KCNQ5: variants seen among roughly 807,000 people sequenced by gnomAD.
KCNQ5 encodes the protein potassium voltage-gated channel subfamily KQT member 5.
A neutral mutation model predicts 98.2 loss-of-function variants in KCNQ5; 30 were observed. The observed-to-expected ratio is 0.31, with a 90% confidence interval of 0.23 to 0.41. KCNQ5 has a LOEUF of 0.41. Ranked by LOEUF, KCNQ5 falls within the 10% of genes least tolerant of loss-of-function variation. The probability of loss-of-function intolerance (pLI) is 1.00; values close to 1 mark genes in which losing one functional copy is unlikely to be tolerated. For missense variants in KCNQ5, 835 were observed against 1,182.5 expected (o/e 0.71, Z 4.31); for synonymous variants, 458 against 449.4 (o/e 1.02, Z -0.24).
At chr6:72,904,594 G>C (rs1478090344) in intron 1 of KCNQ5, among the ~76,000 whole-genome samples, 1 of 152,076 alleles carries the variant, frequency 6.6e-6, no homozygotes, top group African/African-American at 2.4e-5. Context: ...TTGTTTTTCT[G>C]AAAAAGACGA....
intron 1 of KCNQ5, among the ~76,000 whole-genome samples, chr6:72,997,782 CAAAAAAAAAAAAA>C (rs70994154): frequency 1.5e-4 from 9 of 62,064 alleles, no homozygotes; most frequent in Admixed American, 2.9e-4. Context: ...GACTCTGTCT[CAAAAAAAAAAAAA>C]AAAAAAAAAA....
chr6:73,047,715 G>T (rs1206036036), intron 3 of KCNQ5, among the ~76,000 whole-genome samples: 1 of 152,130 alleles, frequency 6.6e-6, no homozygotes, highest in Non-Finnish European at 1.5e-5. Context: ...CACAGACAGG[G>T]TATTTATTAT....
At chr6:73,104,682 T>A (rs1381368950) in intron 5 of KCNQ5, among the ~76,000 whole-genome samples, 1 of 152,180 alleles carries the variant, frequency 6.6e-6, no homozygotes, top group Non-Finnish European at 1.5e-5. Flanking sequence ...TAATAACTAA[T>A]CTCTTCCTTG....
intron 5 of KCNQ5, among the ~76,000 whole-genome samples, chr6:73,091,847 T>C (rs1367912483): frequency 1.3e-5 from 2 of 152,150 alleles, no homozygotes; most frequent in Non-Finnish European, 2.9e-5. Context: ...TTTATCATTG[T>C]TTTTTCTAAT....
intron 1 of KCNQ5, among the ~76,000 whole-genome samples, chr6:72,916,771 AC>A (rs869231213): frequency 3.3e-5 from 5 of 151,606 alleles, no homozygotes; most frequent in Admixed American, 2.0e-4. Flanking sequence ...GATTTTATAT[AC>A]CCCCCCAAAA....
intron 3 of KCNQ5, among the ~76,000 whole-genome samples, chr6:73,071,802 C>T (rs144242858): frequency 2.0e-5 from 3 of 152,306 alleles, no homozygotes; most frequent in Admixed American, 2.0e-4. Flanking sequence ...TAGGCTTCAC[C>T]TCTAACACTG....
intron 12 of KCNQ5, among the ~76,000 whole-genome samples, chr6:73,191,098 T>C (rs2150524435): frequency 6.6e-6 from 1 of 152,364 alleles, no homozygotes; most frequent in South Asian, 2.1e-4. Context: ...TTCCATTTAT[T>C]ATCTAAATTC....
chr6:72,697,573 A>G lies in KCNQ5; in HGVS notation c.398+74986A>G, dbSNP rs185647132. On this transcript the variant is annotated intron_variant, in intron 1 of 13. Coordinates refer to ENST00000370398, the MANE Select transcript of KCNQ5 (RefSeq NM_019842.4). ...ATGAGAAAATTTAGAAGAAATTAGG[A>G]TATAATTCCTTAGGTTTCTGTGAAA... Among the ~76,000 whole-genome samples, 133 of 152,362 alleles carry G rather than the reference A, an allele frequency of 8.7e-4. 1 individual carries two copies. The highest frequency in any genetic ancestry group is 3.1e-3 in the African/African-American group (127 of 41,594).
intron 1 of KCNQ5, among the ~76,000 whole-genome samples, chr6:72,674,301 G>A (rs539282784): frequency 6.6e-6 from 1 of 151,866 alleles, no homozygotes; most frequent in Non-Finnish European, 1.5e-5. Flanking sequence ...ATTAATTGCA[G>A]AATGGATTCA....
rs893450976 is a variant in KCNQ5 at position 72,730,536 on chromosome 6, G to T, written c.398+107949G>T. The stretch of plus-strand genomic sequence containing the variant: ...TAGGGATTCAACTTTTTTCTGTATG[G>T]CCACCCAGTTGTCTTAGCACCATTT... On this transcript the variant is annotated intron_variant, in intron 1 of 13. Transcript: ENST00000370398. 5.9e-5 allele frequency among the ~76,000 whole-genome samples: 9 copies of T among 152,052 alleles called. No homozygotes were observed. In the South Asian group the frequency reaches 1.9e-3, roughly 32 times the overall value.
intron 1 of KCNQ5, among the ~76,000 whole-genome samples, chr6:72,787,465 T>C (rs1367886463): frequency 1.3e-5 from 2 of 152,082 alleles, no homozygotes; most frequent in Non-Finnish European, 2.9e-5. Context: ...GCTTTAGAGA[T>C]GTACAACTAT....
intron 1 of KCNQ5, among the ~76,000 whole-genome samples, chr6:72,753,562 G>A (rs910944764): frequency 4.6e-5 from 7 of 152,052 alleles, no homozygotes; most frequent in Non-Finnish European, 7.4e-5. Context: ...TCAGTAATGC[G>A]TGAGTTTCAG....
At chr6:72,929,322 C>T (rs778165324) in intron 1 of KCNQ5, among the ~76,000 whole-genome samples, 11 of 152,070 alleles carry the variant, frequency 7.2e-5, no homozygotes, top group South Asian at 2.1e-4. Context: ...AATTAAAGTT[C>T]GGTGGAATAA....
chr6:73,016,616 G>C (rs999690456), intron 2 of KCNQ5, among the ~76,000 whole-genome samples: 1 of 152,052 alleles, frequency 6.6e-6, no homozygotes, highest in South Asian at 2.1e-4. Flanking sequence ...AATAGGATGG[G>C]GGACATTTAG....
intron 1 of KCNQ5, among the ~76,000 whole-genome samples, chr6:72,820,563 C>A (rs1775706584): frequency 6.6e-6 from 1 of 151,406 alleles, no homozygotes; most frequent in Non-Finnish European, 1.5e-5. Context: ...CTTTAATAAG[C>A]AGTGTATTTG....
chr6:72,789,323 ATCCACCCTCTATGT>A (rs1773913920), intron 1 of KCNQ5, among the ~76,000 whole-genome samples: 1 of 152,148 alleles, frequency 6.6e-6, no homozygotes, highest in Non-Finnish European at 1.5e-5. Context: ...CACCTGGCTA[ATCCACCCTCTATGT>A]TTAACATATG....
intron 1 of KCNQ5, among the ~76,000 whole-genome samples, chr6:72,753,500 A>G (rs962258848): frequency 8.5e-5 from 13 of 152,130 alleles, no homozygotes; most frequent in Non-Finnish European, 1.9e-4. Flanking sequence ...ATTCAACTTT[A>G]TAAGAAAATG....
intron 11 of KCNQ5, among the ~76,000 whole-genome samples, chr6:73,171,818 G>C (rs1778027802): frequency 6.6e-6 from 1 of 152,260 alleles, no homozygotes; most frequent in African/African-American, 2.4e-5. Context: ...AATCTGACTT[G>C]CAACAAGTAT....
chr6:72,818,978 T>C (rs1775630946), intron 1 of KCNQ5, among the ~76,000 whole-genome samples: 1 of 151,918 alleles, frequency 6.6e-6, no homozygotes, highest in Non-Finnish European at 1.5e-5. Context: ...AAAGAGTTAA[T>C]GACTGCGTGC....
Sources: allele counts gnomAD v4.1 joint callset (sites outside exome capture counted in the v4.1 genomes callset), GRCh38; gene constraint gnomAD v4.1.1; transcripts MANE v1.5; gene names NCBI Gene and HGNC (gene_info 2026-07-23, HGNC 2026-07-21).